The following OXSR1 variants were observed in gnomAD, a reference collection of about 807,000 sequenced individuals.
The protein encoded by OXSR1 is oxidative stress responsive kinase 1, also known as serine/threonine-protein kinase OSR1.
In OXSR1, 24 loss-of-function variants were observed where a neutral mutation model predicts 79.8. The ratio of observed to expected loss-of-function variants is 0.30; its 90% CI spans 0.22 to 0.42. OXSR1 has a LOEUF of 0.42. Among genes scored for constraint, OXSR1 ranks in the 10% least tolerant of loss-of-function variants. The probability of loss-of-function intolerance (pLI) is 1.00; values close to 1 mark genes in which losing one functional copy is unlikely to be tolerated. For synonymous variants in OXSR1, 226 were observed against 209.2 expected, an observed-to-expected ratio of 1.08 and a Z score of -0.69; for missense variants, 430 against 618.4, an observed-to-expected ratio of 0.70 and a Z score of 3.23.
At chr3:38,218,660 C>T (rs994662508) in intron 5 of OXSR1, among the ~76,000 whole-genome samples, 10 of 152,118 alleles carry the variant, frequency 6.6e-5, no homozygotes, top group South Asian at 2.1e-4. Flanking sequence ...ACCTTTGATG[C>T]ACAAAAGTTT....
At chr3:38,170,333 C>A (rs1254238314) in intron 1 of OXSR1, among the ~76,000 whole-genome samples, 2 of 151,970 alleles carry the variant, frequency 1.3e-5, no homozygotes, top group Non-Finnish European at 2.9e-5. Context: ...GGTGTGAGCC[C>A]CCGCGCCTGG....
chr3:38,240,842 A>G (rs1042047468), intron 11 of OXSR1, among the ~76,000 whole-genome samples: 1 of 152,216 alleles, frequency 6.6e-6, no homozygotes, highest in African/African-American at 2.4e-5. Flanking sequence ...CTATGAGTCT[A>G]TACCAATAAC....
At chr3:38,183,210 A>T (rs868457141) in intron 2 of OXSR1, 95 bp downstream of exon 2, 68 of 534,110 alleles carry the variant, frequency 1.3e-4, no homozygotes, top group Middle Eastern at 2.9e-4. Flanking sequence ...GTTTCTTTTT[A>T]AAAAAGTTTA....
intron 4 of OXSR1, among the ~76,000 whole-genome samples, chr3:38,201,072 C>T (rs1350451286): frequency 6.6e-6 from 1 of 151,958 alleles, no homozygotes; most frequent in Non-Finnish European, 1.5e-5. Flanking sequence ...TGATTTTTGC[C>T]TATTTTTCTT....
chr3:38,245,522 A>G (rs756896725), intron 12 of OXSR1, among the ~76,000 whole-genome samples: 1 of 152,200 alleles, frequency 6.6e-6, no homozygotes, highest in Non-Finnish European at 1.5e-5. Context: ...GTAATTTTGT[A>G]TTACATACTT....
intron 4 of OXSR1, among the ~76,000 whole-genome samples, chr3:38,212,447 C>G (rs185106214): frequency 2.0e-4 from 30 of 152,256 alleles, no homozygotes; most frequent in African/African-American, 6.5e-4. Flanking sequence ...TGTATCTACC[C>G]AAATATTTTT....
chr3:38,185,018 A>G (rs575485129), intron 2 of OXSR1, among the ~76,000 whole-genome samples: 8 of 131,362 alleles, frequency 6.1e-5, no homozygotes, highest in Non-Finnish European at 1.2e-4. Flanking sequence ...ATCTCGGCTC[A>G]CTCTGACCTC....
chr3:38,227,934 G>A (rs557430666), intron 8 of OXSR1, among the ~76,000 whole-genome samples: 43 of 152,326 alleles, frequency 2.8e-4, no homozygotes, highest in African/African-American at 9.4e-4. Context: ...GCAGTCATGT[G>A]TCACTTAAAA....
intron 2 of OXSR1, among the ~76,000 whole-genome samples, chr3:38,186,131 T>C (rs946104218): frequency 9.2e-5 from 14 of 151,720 alleles, no homozygotes; most frequent in African/African-American, 2.9e-4. Context: ...CAGGAAAGAA[T>C]AGTAGACAGC....
At chr3:38,183,296 T>TA (rs1382590515) in intron 2 of OXSR1, among the ~76,000 whole-genome samples, 181 bp downstream of exon 2, 1 of 152,248 alleles carries the variant, frequency 6.6e-6, no homozygotes, top group Non-Finnish European at 1.5e-5. Context: ...TTAGTTATAA[T>TA]ATTCTTACTC....
intron 4 of OXSR1, among the ~76,000 whole-genome samples, chr3:38,210,385 T>G (rs1297251969): frequency 6.6e-6 from 1 of 152,168 alleles, no homozygotes; most frequent in Admixed American, 6.5e-5. Flanking sequence ...TAAAATAGTT[T>G]CCCTTGAGGG....
intron 5 of OXSR1, among the ~76,000 whole-genome samples, 190 bp downstream of exon 5, chr3:38,216,341 C>T (rs962800432): frequency 3.3e-5 from 5 of 152,134 alleles, no homozygotes; most frequent in Admixed American, 2.0e-4. Flanking sequence ...CATTTCTGCT[C>T]TTAGACATTT....
chr3:38,246,880 C>T (rs1703152041), intron 13 of OXSR1, among the ~76,000 whole-genome samples: 1 of 152,108 alleles, frequency 6.6e-6, no homozygotes, highest in Non-Finnish European at 1.5e-5. Flanking sequence ...GTAAGACTTT[C>T]AACGTCCATT....
In OXSR1 at chr3:38,252,344, G is replaced by T. The variant is rs1470224021; in HGVS notation, c.1461G>T (p.Gln487His). 6.2e-7 allele frequency: 1 copy of T among 1,610,688 alleles called. No homozygotes were observed. Among genetic ancestry groups the T allele is most frequent in the African/African-American group, 1.3e-5 (1 of 74,782 alleles). ...TGATTACAGTGGCAGCTAATTTGCA[G>T]AAAATTGTGGAAGAACCTCAGTCAA... ...RDLVIVAANLQKIVEEPQSNR... is the reference protein window; with the variant it reads ...RDLVIVAANLHKIVEEPQSNR... Residue 487 changes from glutamine to histidine, a missense_variant, in exon 17 of 18, where the codon CAG becomes CAT. Transcript: ENST00000311806.
chr3:38,239,792 G>A (rs1223934090), intron 11 of OXSR1, among the ~76,000 whole-genome samples: 2 of 151,964 alleles, frequency 1.3e-5, no homozygotes, highest in Non-Finnish European at 2.9e-5. Context: ...TTGGTCTCCC[G>A]GTCTCTTAGC....
chr3:38,165,332 G>A (rs1294834426), upstream of OXSR1: 1 of 154,134 alleles, frequency 6.5e-6, no homozygotes, highest in African/African-American at 2.4e-5. Flanking sequence ...GCTCTCCTAC[G>A]GCTTTTCGAT....
intron 3 of OXSR1, among the ~76,000 whole-genome samples, chr3:38,197,615 C>G (rs529060500): frequency 2.0e-5 from 3 of 152,298 alleles, no homozygotes; most frequent in African/African-American, 7.2e-5. Context: ...CTTTCCTGTT[C>G]TCTTTTTAAA....
At chr3:38,171,125 C>T (rs1701573019) in intron 1 of OXSR1, among the ~76,000 whole-genome samples, 1 of 152,190 alleles carries the variant, frequency 6.6e-6, no homozygotes, top group African/African-American at 2.4e-5. Flanking sequence ...GGATGTTCCA[C>T]ACCTGTCACG....
chr3:38,200,048 G>A (rs1702135155), intron 4 of OXSR1, among the ~76,000 whole-genome samples: 1 of 152,210 alleles, frequency 6.6e-6, no homozygotes, highest in African/African-American at 2.4e-5. Flanking sequence ...CAGCTGTGCT[G>A]ACTGGTGCTG....
Sources: allele counts gnomAD v4.1 joint callset (sites outside exome capture counted in the v4.1 genomes callset), GRCh38; gene constraint gnomAD v4.1.1; transcripts MANE v1.5; gene names NCBI Gene and HGNC (gene_info 2026-07-23, HGNC 2026-07-21).